The following SOAT2 variants were observed in gnomAD, a reference collection of about 807,000 sequenced individuals.
The protein encoded by SOAT2 is sterol O-acyltransferase 2, also known as ACAT-2.
A neutral mutation model predicts 76.0 loss-of-function variants in SOAT2; 87 were observed. That is an observed-to-expected ratio of 1.14 (90% CI 0.96 to 1.37). The LOEUF (loss-of-function observed/expected upper bound fraction) is 1.37, where lower values mean the gene tolerates loss of function less well. SOAT2 is among the 40% of genes most tolerant of loss of function. SOAT2 has a pLI of 0.00. For synonymous variants in SOAT2, 285 were observed against 275.4 expected (o/e 1.03, Z -0.34); for missense variants, 686 against 682.1 (o/e 1.01, Z -0.06).
chr12:53,107,729 T>A (rs1937957024), intron 5 of SOAT2, among the ~76,000 whole-genome samples: 1 of 150,362 alleles, frequency 6.7e-6, no homozygotes, highest in Non-Finnish European at 1.5e-5. Context: ...TTCAAGCGAA[T>A]CTCCAACCTC....
chr12:53,104,988 G>GTGTT, intron 2 of SOAT2, 119 bp from the exon 3 acceptor site: 1 of 994,088 alleles, frequency 1.0e-6, no homozygotes, highest in Non-Finnish European at 1.4e-6. Flanking sequence ...CCCCCAGGTT[G>GTGTT]TTTTTTTTTT....
rs766221005 is a variant in SOAT2, at chr12:53,103,572, C to G, written c.-6C>G. The G allele has an allele frequency of 6.5e-7, 1 of 1,545,660 alleles. No individual in the cohort carries two copies. Among genetic ancestry groups the G allele is most frequent in the Non-Finnish European group, 8.7e-7 (1 of 1,146,826 alleles). On this transcript the variant is annotated 5_prime_UTR_variant, in exon 1 of 15. Coordinates refer to ENST00000301466, the MANE Select transcript of SOAT2 (RefSeq NM_003578.4). ...GGGCTGCCTGCTGCCCGCTGGAGAC[C>G]GCACCATGGAGCCAGGCGGGGCCCG...
Position 53,123,761 on chromosome 12 carries a change from C to A in SOAT2, c.1406C>A (p.Thr469Asn), listed in dbSNP as rs1938232092. ...AACTTCATGATGCATGACCAGCGCA[C>A]CGGCCCGGCATGGAACGTGCTGATG... ...MLNFMMHDQR[T>N]GPAWNVLMWT... Residue 469 changes from threonine to asparagine, a missense_variant, in exon 14 of 15, where the codon ACC becomes AAC. By Grantham distance (65) the Thr-to-Asn change is moderately conservative (BLOSUM62 0). Coordinates refer to ENST00000301466, the MANE Select transcript of SOAT2 (RefSeq NM_003578.4). 6.2e-7 allele frequency: 1 copy of A among 1,614,164 alleles called. No homozygotes were observed. The highest frequency in any genetic ancestry group is 8.5e-7 in the Non-Finnish European group (1 of 1,180,024).
chr12:53,106,044 C>T (rs1330486510), intron 5 of SOAT2, 30 bp downstream of exon 5: 4 of 1,510,774 alleles, frequency 2.6e-6, no homozygotes, highest in Middle Eastern at 1.9e-4. Context: ...GGGACAGGCA[C>T]ACCTATCTGA....
At chr12:53,122,167 C>A (rs1032265172) in intron 12 of SOAT2, among the ~76,000 whole-genome samples, 1 of 150,030 alleles carries the variant, frequency 6.7e-6, no homozygotes, top group Non-Finnish European at 1.5e-5. Flanking sequence ...ATTCTTTCCA[C>A]TGCGCCACAC....
At position 53,121,385 on chromosome 12, in the gene SOAT2, A is replaced by T. The variant is rs1436359391; in HGVS notation, c.1220A>T (p.Tyr407Phe). The change falls in exon 12 of 15, where the codon TAT becomes TTT. Residue 407 changes from tyrosine (Y) to phenylalanine (F), a missense_variant. Physicochemically the swap from Tyr to Phe is conservative, Grantham distance 22. Coordinates refer to ENST00000301466, the MANE Select transcript of SOAT2 (RefSeq NM_003578.4). The part of the protein sequence containing the change: ...VVHDWLYSYV[Y>F]QDGLRLLGAR... ...CATGACTGGCTGTACAGCTACGTGTATCAGGATGGGCTGCGGGTATGGGCC... is the reference window on the plus strand; with the variant it reads ...CATGACTGGCTGTACAGCTACGTGTTTCAGGATGGGCTGCGGGTATGGGCC... 6.2e-7 allele frequency: 1 copy of T among 1,614,104 alleles called. No individual in the cohort carries two copies. The highest frequency in any genetic ancestry group is 8.5e-7 in the Non-Finnish European group (1 of 1,179,968).
At chr12:53,114,572 T>C (rs1348358185) in intron 5 of SOAT2, among the ~76,000 whole-genome samples, 1 of 151,474 alleles carries the variant, frequency 6.6e-6, no homozygotes, top group Admixed American at 6.6e-5. Flanking sequence ...AAAAAAAAAA[T>C]TAGCCAGTCG....
intron 5 of SOAT2, among the ~76,000 whole-genome samples, chr12:53,107,922 C>T (rs1452065718): frequency 6.6e-6 from 1 of 152,088 alleles, no homozygotes; most frequent in Non-Finnish European, 1.5e-5. Context: ...TGAGCCCAGC[C>T]ATAGTTTTTG....
rs770588545 is a variant in SOAT2, at chr12:53,105,226, C to T, written c.258C>T (p.Pro86=). The T allele has an allele frequency of 7.8e-5, 125 of 1,603,986 alleles. No individual in the cohort carries two copies. The highest frequency in any genetic ancestry group is 1.0e-4 in the Non-Finnish European group (121 of 1,175,584). ...PSQDKPLPPP[P]PGSLSRTQEP... is the part of the protein sequence containing the mutation. ...AAGACAAACCTCTGCCCCCACCTCC[C>T]CCAGGTTCCTTGAGCAGGTGAGTCT... Residue 86 remains proline (P), a synonymous_variant, in exon 3 of 15, where the codon CCC becomes CCT. Coordinates refer to ENST00000301466, the MANE Select transcript of SOAT2 (RefSeq NM_003578.4).
At chr12:53,111,739 A>G (rs1938015121) in intron 5 of SOAT2, among the ~76,000 whole-genome samples, 1 of 152,220 alleles carries the variant, frequency 6.6e-6, no homozygotes, top group South Asian at 2.1e-4. Context: ...CATTTCTAGT[A>G]TTACTTTACC....
chr12:53,121,033 G>C, intron 11 of SOAT2, 150 bp downstream of exon 11: 1 of 695,260 alleles, frequency 1.4e-6, no homozygotes, highest in Non-Finnish European at 2.6e-6. Context: ...TGCTTATAAT[G>C]CCACCCCTCC....
At chr12:53,116,291 C>T in intron 7 of SOAT2, 125 bp downstream of exon 7, 1 of 774,878 alleles carries the variant, frequency 1.3e-6, no homozygotes, top group Non-Finnish European at 2.2e-6. Context: ...CAGGCACAGC[C>T]CTGGCATCCA....
At chr12:53,105,291 G>A (rs1190605900) in intron 3 of SOAT2, 48 bp downstream of exon 3, 1 of 1,575,956 alleles carries the variant, frequency 6.3e-7, no homozygotes, top group Non-Finnish European at 8.6e-7. Context: ...CAAGGATCAT[G>A]AGCTAGAAAC....
rs754248987 is a variant in SOAT2 at position 53,123,255 on chromosome 12, G to A, written c.1372+39G>A. 5.7e-5 allele frequency: 92 copies of A among 1,611,598 alleles called. No homozygotes were observed. In the Middle Eastern group the frequency reaches 9.9e-4, roughly 17 times the overall value. ...TGTGCCACTGGAAGGGAGCCATCCA[G>A]AGGGAGGCCTGCATCCTGCTCCTGC... On this transcript the variant is annotated intron_variant, in intron 13 of 14. Transcript: ENST00000301466.
chr12:53,123,264 C>G (rs1363802063), intron 13 of SOAT2, 48 bp downstream of exon 13: 2 of 1,608,340 alleles, frequency 1.2e-6, no homozygotes, highest in Middle Eastern at 1.7e-4. Context: ...AGAGGGAGGC[C>G]TGCATCCTGC....
chr12:53,116,240 C>A, intron 7 of SOAT2, 74 bp downstream of exon 7: 2 of 1,403,132 alleles, frequency 1.4e-6, no homozygotes, highest in South Asian at 1.2e-5. Context: ...GGTGCAGGAT[C>A]CTGATAAAAG....
chr12:53,104,172 C>G lies in SOAT2; in HGVS notation c.104C>G (p.Ala35Gly). The change falls in exon 2 of 15, where the codon GCC becomes GGC. Residue 35 changes from alanine to glycine, a missense_variant. Transcript: ENST00000301466. ...ACAGGAAACACTGAGACGCACAGAGCCCCGGACTTGGTACAATGGACCCGA... is the reference window on the plus strand; with the variant it reads ...ACAGGAAACACTGAGACGCACAGAGGCCCGGACTTGGTACAATGGACCCGA... Reference protein sequence around the residue: ...CGDGNTETHRAPDLVQWTRHM... With the variant: ...CGDGNTETHRGPDLVQWTRHM... 1 of 1,613,612 alleles carries G rather than the reference C, an allele frequency of 6.2e-7. No homozygotes were observed.
At chr12:53,106,466 G>A (rs1937938169) in intron 5 of SOAT2, among the ~76,000 whole-genome samples, 2 of 152,234 alleles carry the variant, frequency 1.3e-5, no homozygotes, top group Admixed American at 6.5e-5. Flanking sequence ...CCAAGTGCCT[G>A]GGTGGGTCAT....
chr12:53,123,290 A>G, intron 13 of SOAT2, 74 bp downstream of exon 13: 1 of 1,581,454 alleles, frequency 6.3e-7, no homozygotes, highest in Non-Finnish European at 8.6e-7. Flanking sequence ...CAGATCCCAG[A>G]CTGATGGTGG....
Sources: allele counts gnomAD v4.1 joint callset (sites outside exome capture counted in the v4.1 genomes callset), GRCh38; gene constraint gnomAD v4.1.1; transcripts MANE v1.5; gene names NCBI Gene and HGNC (gene_info 2026-07-23, HGNC 2026-07-21).